Variants in VAV2 observed in about 807,000 individuals in gnomAD.
The protein encoded by VAV2 is guanine nucleotide exchange factor VAV2.
VAV2 carries 67 observed loss-of-function variants against 132.5 expected under a neutral mutation model. That is an observed-to-expected ratio of 0.51 (90% CI 0.42 to 0.62). The LOEUF (loss-of-function observed/expected upper bound fraction) is 0.62, where lower values mean the gene tolerates loss of function less well. Ranked by LOEUF, VAV2 falls within the 20% of genes least tolerant of loss-of-function variation. The pLI, the probability that VAV2 is intolerant of heterozygous loss-of-function variation, is 0.00. For missense variants in VAV2, 938 were observed against 1,153.6 expected (o/e 0.81, Z 2.71); for synonymous variants, 492 against 443.5 (o/e 1.11, Z -1.37).
chr9:133,775,978 T>C (rs748633415), intron 24 of VAV2, 50 bp downstream of exon 24: 1 of 1,556,584 alleles, frequency 6.4e-7, no homozygotes, highest in South Asian at 1.2e-5. Flanking sequence ...CATGCCCCCA[T>C]AACAAAGAGG....
intron 2 of VAV2, among the ~76,000 whole-genome samples, chr9:133,886,214 G>A (rs111244904): frequency 0.016 from 2,488 of 152,226 alleles, 63 homozygotes; most frequent in Admixed American, 0.053. Context: ...GGAAAGCTCC[G>A]CCACATGCAA....
intron 4 of VAV2, among the ~76,000 whole-genome samples, chr9:133,832,779 C>T (rs1298183299): frequency 6.6e-6 from 1 of 151,978 alleles, no homozygotes. Context: ...GACTGGTCTC[C>T]GACTCCTGAC....
intron 3 of VAV2, among the ~76,000 whole-genome samples, chr9:133,844,438 C>T (rs912636718): frequency 2.6e-5 from 4 of 152,172 alleles, no homozygotes; most frequent in Non-Finnish European, 5.9e-5. Context: ...AGGATTTGTC[C>T]ATCAGAGAAC....
chr9:133,974,483 G>T (rs764234198), intron 1 of VAV2, among the ~76,000 whole-genome samples: 1 of 152,150 alleles, frequency 6.6e-6, no homozygotes, highest in Non-Finnish European at 1.5e-5. Context: ...CTGCTTTTGC[G>T]CTGGGCCAAA....
In VAV2 at chr9:133,789,281, T is replaced by G; in HGVS notation, c.1251A>C (p.Ile417=). 1 of 1,614,136 alleles carries G rather than the reference T, an allele frequency of 6.2e-7. No individual in the cohort carries two copies. The highest frequency in any genetic ancestry group is 1.1e-5 in the South Asian group (1 of 91,076). The change falls in exon 14 of 30, where the codon ATA becomes ATC. Residue 417 remains isoleucine (I), a synonymous_variant. Transcript: ENST00000371850. ...KIDGELKVRS[I]VNHTKQDRYL... The stretch of plus-strand genomic sequence containing the variant: ...ACCTGTCCTGCTTGGTGTGGTTGAC[T>G]ATGGACCGGACTTTCAGTTCCCCGT...
chr9:133,778,126 A>AT (rs1459863781), intron 22 of VAV2, among the ~76,000 whole-genome samples: 1 of 151,464 alleles, frequency 6.6e-6, no homozygotes, highest in Non-Finnish European at 1.5e-5. Context: ...AGAAGGGCAA[A>AT]TGTGCCCAGA....
Position 133,852,446 on chromosome 9 carries a change from A to C in VAV2, c.380+8928T>G, listed in dbSNP as rs190288387. Among the ~76,000 whole-genome samples, 14 of 152,052 alleles carry C rather than the reference A, an allele frequency of 9.2e-5. No homozygotes were observed. In the East Asian group the frequency reaches 2.1e-3, roughly 23 times the overall value. On this transcript the variant is annotated intron_variant, in intron 3 of 29. Transcript: ENST00000371850. ...ATGGGAAGGAGGGAGTGAGAGGAGA[A>C]AAGCAATAATAAAATCCATTAGATG...
intron 1 of VAV2, among the ~76,000 whole-genome samples, chr9:133,949,367 C>A (rs981797424): frequency 6.6e-6 from 1 of 152,208 alleles, no homozygotes; most frequent in Non-Finnish European, 1.5e-5. Flanking sequence ...AGCTTTGGTT[C>A]ATTCAAGGTG....
chr9:133,817,404 G>A (rs1835600685), intron 4 of VAV2, among the ~76,000 whole-genome samples: 1 of 152,188 alleles, frequency 6.6e-6, no homozygotes, highest in Non-Finnish European at 1.5e-5. Flanking sequence ...TGTAATCCCA[G>A]CACTTTGGGA....
At chr9:133,975,103 C>T (rs1028295520) in intron 1 of VAV2, among the ~76,000 whole-genome samples, 1 of 152,206 alleles carries the variant, frequency 6.6e-6, no homozygotes, top group Non-Finnish European at 1.5e-5. Context: ...ACCAACAGGC[C>T]GTTTCACAGA....
chr9:133,899,064 G>A (rs544935250), intron 2 of VAV2, among the ~76,000 whole-genome samples: 25 of 151,702 alleles, frequency 1.6e-4, no homozygotes, highest in African/African-American at 3.4e-4. Context: ...CTCGTGATCC[G>A]CCCGCCTCGG....
chr9:133,934,887 C>G (rs1026452014), intron 2 of VAV2, among the ~76,000 whole-genome samples: 8 of 152,164 alleles, frequency 5.3e-5, no homozygotes, highest in African/African-American at 1.7e-4. Flanking sequence ...CTGACTAATG[C>G]GCCGGCCAGT....
chr9:133,784,307 T>C lies in VAV2; in HGVS notation c.1634+10A>G, dbSNP rs1029814542. 6.2e-7 allele frequency: 1 copy of C among 1,612,936 alleles called. No homozygotes were observed. Among genetic ancestry groups the C allele is most frequent in the South Asian group, 1.1e-5 (1 of 91,016 alleles). On this transcript the variant is annotated intron_variant, in intron 18 of 29. Coordinates refer to ENST00000371850, the MANE Select transcript of VAV2 (RefSeq NM_001134398.2). ...GCGAGGTGAGGGCTGTAGCAGGGGGTTTCCCACACCTGAGGAACATTTTGC... is the reference window on the plus strand; with the variant it reads ...GCGAGGTGAGGGCTGTAGCAGGGGGCTTCCCACACCTGAGGAACATTTTGC...
Position 133,928,651 on chromosome 9 carries a change from C to CGGGGCCTGGGTGTGGAGATAA in VAV2, c.321+10431_321+10451dup, listed in dbSNP as rs1362015699. Among the ~76,000 whole-genome samples the CGGGGCCTGGGTGTGGAGATAA allele has an allele frequency of 2.6e-5, 4 of 152,180 alleles. No individual in the cohort carries two copies. The highest frequency in any genetic ancestry group is 4.4e-5 in the Non-Finnish European group (3 of 68,038). On this transcript the variant is annotated intron_variant, in intron 2 of 29. Coordinates refer to ENST00000371850, the MANE Select transcript of VAV2 (RefSeq NM_001134398.2). The surrounding 1 kb of genome is among the most constrained non-coding windows in gnomAD (Gnocchi z 5.4). The stretch of plus-strand genomic sequence containing the variant: ...GGAAATGAACAAACACATGCAGCCT[C>CGGGGCCTGGGTGTGGAGATAA]GGGGCCTGGGTGTGGAGATAAGGGG...
In VAV2 at chr9:133,827,625, A is replaced by ACCACGGGCATCGCCAACTACTGCTGTGC. The variant is rs1836074537; in HGVS notation, c.449+6646_449+6647insGCACAGCAGTAGTTGGCGATGCCCGTGG. Among the ~76,000 whole-genome samples the ACCACGGGCATCGCCAACTACTGCTGTGC allele has an allele frequency of 4.9e-5, 3 of 61,146 alleles. 1 individual carries two copies. Among genetic ancestry groups the ACCACGGGCATCGCCAACTACTGCTGTGC allele is most frequent in the Non-Finnish European group, 1.2e-4 (3 of 25,380 alleles). The allele number at this position is 61,146 out of a possible 152,430, so 40.1% of individuals were successfully genotyped here. A position where few individuals can be genotyped will look rare whatever the true frequency, so the allele number is the denominator to read the frequency against. On this transcript the variant is annotated intron_variant, in intron 4 of 29. Transcript: ENST00000371850. ...GCTACTGCTGTGCCCACTGAGGCTG[A>ACCACGGGCATCGCCAACTACTGCTGTGC]CCACTGAGTGGGGGCATCACCACCT...
In VAV2 at chr9:133,885,864, T is replaced by C. The variant is rs1031398301; in HGVS notation, c.322-24432A>G. 2.6e-5 allele frequency among the ~76,000 whole-genome samples: 4 copies of C among 152,212 alleles called. No homozygotes were observed. The highest frequency in any genetic ancestry group is 9.6e-5 in the African/African-American group (4 of 41,454). ...CCACAGGCGCCACTGGGACGGCCCA[T>C]TGGTGACAACCAAACTCAGGTGTTC... is the stretch of plus-strand genomic sequence containing the variant. On this transcript the variant is annotated intron_variant, in intron 2 of 29. Transcript: ENST00000371850. This position sits in a 1 kb window ranked among gnomAD's most constrained non-coding sequence, Gnocchi z 5.0.
intron 1 of VAV2, among the ~76,000 whole-genome samples, chr9:133,944,721 G>A (rs937244469): frequency 2.0e-5 from 3 of 152,370 alleles, no homozygotes; most frequent in Middle Eastern, 3.4e-3. Flanking sequence ...GTCCTGTCTC[G>A]CCAAGGACGG....
chr9:133,893,112 G>A (rs990137683), intron 2 of VAV2, among the ~76,000 whole-genome samples: 5 of 152,148 alleles, frequency 3.3e-5, no homozygotes, highest in African/African-American at 4.8e-5. Context: ...CTATGGCTCT[G>A]AGTCCGATCT....
At position 133,927,182 on chromosome 9, in the gene VAV2, C is replaced by T. The variant is rs548498148; in HGVS notation, c.321+11921G>A. On this transcript the variant is annotated intron_variant, in intron 2 of 29. Transcript: ENST00000371850. ...GTGCTCTCTCCTCTTTCTGGGGACA[C>T]GAAACCTGAGACCAGCTAGCCCAGG... Among the ~76,000 whole-genome samples, 16 of 152,242 alleles carry T rather than the reference C, an allele frequency of 1.1e-4. No individual in the cohort carries two copies. The East Asian group carries it at 2.5e-3, about 24-fold the overall frequency.
Sources: allele counts gnomAD v4.1 joint callset (sites outside exome capture counted in the v4.1 genomes callset), GRCh38; gene constraint gnomAD v4.1.1; non-coding constraint Gnocchi (gnomAD v3.1); transcripts MANE v1.5; gene names NCBI Gene and HGNC (gene_info 2026-07-23, HGNC 2026-07-21).